FAM193B: variants seen among roughly 807,000 people sequenced by gnomAD.
FAM193B encodes the protein family with sequence similarity 193 member B.
In FAM193B, 27 loss-of-function variants were observed where a neutral mutation model predicts 70.7. That is an observed-to-expected ratio of 0.38 (90% CI 0.28 to 0.53). The LOEUF (loss-of-function observed/expected upper bound fraction) is 0.53. Among genes scored for constraint, FAM193B ranks in the 20% least tolerant of loss-of-function variants. The probability of loss-of-function intolerance (pLI) is 0.81; values close to 1 mark genes in which losing one functional copy is unlikely to be tolerated. For synonymous variants in FAM193B, 448 were observed against 436.0 expected, an observed-to-expected ratio of 1.03 and a Z score of -0.34; for missense variants, 1,022 against 1,072.5, an observed-to-expected ratio of 0.95 and a Z score of 0.66.
At chr5:177,531,240 CAGGG>C (rs1365633826) in intron 5 of FAM193B, 1 of 1,231,772 alleles carries the variant, frequency 8.1e-7, no homozygotes, top group African/African-American at 1.6e-5. Context: ...CGAGGGTCCT[CAGGG>C]AGGAGAGACG....
chr5:177,551,001 AT>A (rs34974995), intron 1 of FAM193B, among the ~76,000 whole-genome samples: 74 of 147,244 alleles, frequency 5.0e-4, no homozygotes, highest in African/African-American at 6.2e-4. Flanking sequence ...CTAAGTTTTG[AT>A]TTTTTTTTTT....
Position 177,521,881 on chromosome 5 carries a change from G to A in FAM193B, c.*1+93C>T, listed in dbSNP as rs1470861852. On this transcript the variant is annotated intron_variant, in intron 8 of 8. Coordinates refer to ENST00000514747, the MANE Select transcript of FAM193B (RefSeq NM_001190946.3). ...TCCCATGCCCCAAGTCCAACTCCCT[G>A]TGCCCCAGAGCACAGAATGGTCTGG... 5 of 971,704 alleles carry A rather than the reference G, an allele frequency of 5.1e-6. No individual in the cohort carries two copies. In the African/African-American group the frequency reaches 6.4e-5, roughly 12 times the overall value. The allele number at this position is 971,704 out of a possible 1,614,324, so 60.2% of individuals were successfully genotyped here. A position where few individuals can be genotyped will look rare whatever the true frequency, so the allele number is the denominator to read the frequency against.
chr5:177,530,259 G>A (rs1056228686), intron 5 of FAM193B, among the ~76,000 whole-genome samples: 1 of 152,160 alleles, frequency 6.6e-6, no homozygotes, highest in Non-Finnish European at 1.5e-5. Context: ...ACATCTCTGC[G>A]CTGGTAAATG....
intron 1 of FAM193B, among the ~76,000 whole-genome samples, chr5:177,549,104 C>T (rs1348677507): frequency 1.3e-5 from 2 of 151,896 alleles, no homozygotes; most frequent in African/African-American, 2.4e-5. Context: ...CAAATATCTA[C>T]AATACTCAGA....
At chr5:177,521,172 C>T (rs1382206154) in intron 8 of FAM193B, among the ~76,000 whole-genome samples, 1 of 152,214 alleles carries the variant, frequency 6.6e-6, no homozygotes, top group African/African-American at 2.4e-5. Context: ...ACCCCAGGGA[C>T]ACAGCTGAGG....
At chr5:177,553,756 G>A (rs1344186731) in intron 1 of FAM193B, 33 of 1,287,744 alleles carry the variant, frequency 2.6e-5, no homozygotes, top group Non-Finnish European at 3.1e-5. Flanking sequence ...GGTATGGCGA[G>A]GAGGCGCCAG....
At chr5:177,550,713 C>A (rs906174307) in intron 1 of FAM193B, among the ~76,000 whole-genome samples, 1 of 152,222 alleles carries the variant, frequency 6.6e-6, no homozygotes, top group African/African-American at 2.4e-5. Context: ...GCTAGCAGAG[C>A]TAACAGGCCA....
chr5:177,523,247 G>A (rs1311105736), intron 7 of FAM193B: 8 of 362,998 alleles, frequency 2.2e-5, no homozygotes, highest in African/African-American at 6.4e-5. Context: ...TGATCCACCC[G>A]CCTCGGCCTC....
At chr5:177,524,156 G>A (rs1370048125) in intron 6 of FAM193B, 29 bp downstream of exon 6, 2 of 1,587,220 alleles carry the variant, frequency 1.3e-6, no homozygotes, top group Non-Finnish European at 1.7e-6. Context: ...GGGGTAGGGG[G>A]TCAGCCGCTC....
intron 1 of FAM193B, 178 bp downstream of exon 1, chr5:177,554,071 G>A (rs1174635766): frequency 1.5e-6 from 2 of 1,372,870 alleles, no homozygotes; most frequent in Non-Finnish European, 1.9e-6. Context: ...TCGGCTTTGG[G>A]GAGAGGGGTC....
In FAM193B at chr5:177,524,676, G is replaced by T. The variant is rs1216100346; in HGVS notation, c.1805C>A (p.Pro602His). The T allele has an allele frequency of 8.1e-6, 13 of 1,610,796 alleles. No homozygotes were observed. Among genetic ancestry groups the T allele is most frequent in the Non-Finnish European group, 1.0e-5 (12 of 1,178,760 alleles). ...NLSRVIWVKT[P>H]KPGYPSSEEP... Reference sequence around the variant, plus strand: ...CTCGGAGCTGGGGTAGCCCGGCTTGGGTGTCTTGACCCAGATCACCCGGGA... The same window carrying T: ...CTCGGAGCTGGGGTAGCCCGGCTTGTGTGTCTTGACCCAGATCACCCGGGA... The change falls in exon 6 of 9, where the codon CCC becomes CAC. Residue 602 changes from proline to histidine, a missense_variant. Transcript: ENST00000514747.
chr5:177,525,270 C>A (rs1169842037), intron 5 of FAM193B, 65 bp from the exon 6 acceptor site: 2 of 1,360,018 alleles, frequency 1.5e-6, no homozygotes, highest in South Asian at 1.9e-5. Flanking sequence ...TGATACCTGA[C>A]CCATCAGCCT....
chr5:177,545,042 A>C lies in FAM193B; in HGVS notation c.211-5895T>G, dbSNP rs567733422. On this transcript the variant is annotated intron_variant, in intron 1 of 8. Coordinates refer to ENST00000514747, the MANE Select transcript of FAM193B (RefSeq NM_001190946.3). ...AATTTGCAAAAATGAAAAGAAGACC[A>C]TTCTTCTAATTTTTTTTTTAAGATG... 2.0e-5 allele frequency among the ~76,000 whole-genome samples: 3 copies of C among 152,078 alleles called. No homozygotes were observed. The South Asian group carries it at 6.2e-4, about 32-fold the overall frequency.
In FAM193B at chr5:177,532,965, T is replaced by G. The variant is rs1410988885; in HGVS notation, c.1077-324A>C. ...ATTGTGCGTCACTGTCATGGTCTGT[T>G]TGCGCATTTGTCTCTCAAACTGGAC... On this transcript the variant is annotated intron_variant, in intron 4 of 8. Coordinates refer to ENST00000514747, the MANE Select transcript of FAM193B (RefSeq NM_001190946.3). This position sits in a 1 kb window ranked among gnomAD's most constrained non-coding sequence, Gnocchi z 4.9. Among the ~76,000 whole-genome samples, 1 of 152,226 alleles carries G rather than the reference T, an allele frequency of 6.6e-6. No homozygotes were observed. The highest frequency in any genetic ancestry group is 2.4e-5 in the African/African-American group (1 of 41,452).
intron 4 of FAM193B, among the ~76,000 whole-genome samples, chr5:177,534,352 A>G (rs1030834195): frequency 7.6e-5 from 11 of 145,280 alleles, no homozygotes; most frequent in African/African-American, 2.8e-4. Flanking sequence ...GATGGAGTGC[A>G]GTGTTGCGAC....
intron 5 of FAM193B, among the ~76,000 whole-genome samples, chr5:177,525,724 G>A (rs1762494572): frequency 1.3e-5 from 2 of 152,262 alleles, no homozygotes; most frequent in African/African-American, 4.8e-5. Context: ...TGCACATTTG[G>A]TCTCAAGTAA....
chr5:177,526,006 G>A (rs1009342205), intron 5 of FAM193B, among the ~76,000 whole-genome samples: 2 of 152,244 alleles, frequency 1.3e-5, no homozygotes, highest in Admixed American at 6.5e-5. Context: ...CGGGAAGGAG[G>A]TTGCTGTGGT....
In FAM193B at chr5:177,522,074, G is replaced by T. The variant is rs1164713935; in HGVS notation, c.2373-3C>A. ...GCTTTGCAGAATCCAAACAGAACCTGTTGGGTTTGGGGGACACATGAGAAG... is the reference window on the plus strand; with the variant it reads ...GCTTTGCAGAATCCAAACAGAACCTTTTGGGTTTGGGGGACACATGAGAAG... On this transcript the variant is annotated splice_polypyrimidine_tract_variant and splice_region_variant and intron_variant, in intron 7 of 8. Transcript: ENST00000514747. 1 of 1,613,198 alleles carries T rather than the reference G, an allele frequency of 6.2e-7. No homozygotes were observed.
intron 4 of FAM193B, among the ~76,000 whole-genome samples, chr5:177,534,027 T>A (rs1248379002): frequency 6.6e-6 from 1 of 152,196 alleles, no homozygotes; most frequent in African/African-American, 2.4e-5. Context: ...GGCTGGGCCA[T>A]GAGCAGCTGA....
Sources: gnomAD v4.1 joint callset for allele counts (sites outside exome capture counted in the v4.1 genomes callset) on GRCh38, gnomAD v4.1.1 for gene constraint, Gnocchi (gnomAD v3.1) non-coding constraint, MANE v1.5 for transcripts, NCBI Gene and HGNC (gene_info 2026-07-23, HGNC 2026-07-21) for gene names.